The following CDH13 variants were observed in gnomAD, a reference collection of about 807,000 sequenced individuals.
The protein encoded by CDH13 is cadherin-13.
A neutral mutation model predicts 63.8 loss-of-function variants in CDH13; 24 were observed. The observed-to-expected ratio is 0.38, with a 90% CI of 0.27 to 0.53. The LOEUF is 0.53. CDH13 is among the 20% of genes least tolerant of loss of function. CDH13 has a pLI of 0.85. For missense variants in CDH13, 1,049 were observed against 903.1 expected (o/e 1.16, Z -2.07); for synonymous variants, 503 against 355.3 (o/e 1.42, Z -4.67).
At chr16:83,237,383 G>A (rs551629319) in intron 5 of CDH13, among the ~76,000 whole-genome samples, 18 of 152,278 alleles carry the variant, frequency 1.2e-4, no homozygotes, top group East Asian at 7.7e-4. Context: ...GTAAAGGATC[G>A]TACCTTACAT....
intron 4 of CDH13, among the ~76,000 whole-genome samples, chr16:83,134,232 G>A (rs1031162272): frequency 1.3e-4 from 20 of 152,096 alleles, no homozygotes; most frequent in African/African-American, 4.1e-4. Context: ...TCGCTCTGTC[G>A]CCCGGGCTGG....
At chr16:83,501,215 G>A (rs1292801704) in intron 7 of CDH13, among the ~76,000 whole-genome samples, 3 of 152,212 alleles carry the variant, frequency 2.0e-5, no homozygotes, top group African/African-American at 7.2e-5. Flanking sequence ...CATGGGAAAT[G>A]AATTTATTTC....
chr16:83,627,972 C>A (rs1598390515), intron 8 of CDH13, among the ~76,000 whole-genome samples: 3 of 152,182 alleles, frequency 2.0e-5, no homozygotes, highest in African/African-American at 7.2e-5. Flanking sequence ...AGGGTAACTT[C>A]CTGACGTTAC....
At chr16:82,857,398 C>T (rs1294576453) in intron 1 of CDH13, among the ~76,000 whole-genome samples, 2 of 152,126 alleles carry the variant, frequency 1.3e-5, no homozygotes, top group Non-Finnish European at 2.9e-5. Context: ...GTGGTAGGTG[C>T]TCAGTAGAAC....
At chr16:82,761,813 GA>G (rs1305731372) in intron 1 of CDH13, among the ~76,000 whole-genome samples, 11 of 152,098 alleles carry the variant, frequency 7.2e-5, no homozygotes, top group Admixed American at 6.6e-4. Flanking sequence ...ATGTCTAAAA[GA>G]TTTTTTTATC....
intron 3 of CDH13, among the ~76,000 whole-genome samples, chr16:83,084,181 G>A (rs756441250): frequency 5.9e-5 from 9 of 152,170 alleles, no homozygotes; most frequent in African/African-American, 1.2e-4. Context: ...TGATGGGCAC[G>A]TACACAAAAG....
rs377418744 is a variant in CDH13, at chr16:83,743,772, G to A, written c.1539-4336G>A. On this transcript the variant is annotated intron_variant, in intron 10 of 13. Transcript: ENST00000567109. ...TCTTTTTTTTTTTTTTTTTTTCTTTGCTTTTTCCATCCCCATGATTGTTCC... is the reference window on the plus strand; with the variant it reads ...TCTTTTTTTTTTTTTTTTTTTCTTTACTTTTTCCATCCCCATGATTGTTCC... Among the ~76,000 whole-genome samples, 80 of 8,372 alleles carry A rather than the reference G, an allele frequency of 9.6e-3. 5 individuals are homozygous for A. In the South Asian group the frequency reaches 0.24, roughly 25 times the overall value. 5.5% of individuals were successfully genotyped at this position (8,372 alleles called of 152,430 possible).
In CDH13 at chr16:83,785,811, C is replaced by G. The variant is rs117453298; in HGVS notation, c.2134+2339C>G. ...CTGGAAGGGCAGCTTAGACATTTGT[C>G]CATTTTAAAGCCTCACCAGGTGGTC... is the stretch of plus-strand genomic sequence containing the variant. On this transcript the variant is annotated intron_variant, in intron 13 of 13. Transcript: ENST00000567109. 2.7e-4 allele frequency among the ~76,000 whole-genome samples: 41 copies of G among 152,242 alleles called. No homozygotes were observed. In the East Asian group the frequency reaches 7.9e-3, roughly 29 times the overall value.
At chr16:83,051,359 G>A (rs1478044531) in intron 3 of CDH13, among the ~76,000 whole-genome samples, 1 of 152,152 alleles carries the variant, frequency 6.6e-6, no homozygotes, top group African/African-American at 2.4e-5. Context: ...AGGTTTACAG[G>A]AATGAGGATC....
intron 5 of CDH13, among the ~76,000 whole-genome samples, chr16:83,262,962 C>T (rs1169836474): frequency 6.6e-6 from 1 of 152,164 alleles, no homozygotes; most frequent in Admixed American, 6.5e-5. Flanking sequence ...TGTTGTTTGT[C>T]CTGAGAATGA....
At chr16:83,260,521 C>T (rs564802594) in intron 5 of CDH13, among the ~76,000 whole-genome samples, 8 of 152,266 alleles carry the variant, frequency 5.3e-5, no homozygotes, top group African/African-American at 1.7e-4. Context: ...GCTCAGTCTT[C>T]GAGGGAGTGC....
chr16:83,092,000 A>T (rs2033935753), intron 3 of CDH13, among the ~76,000 whole-genome samples: 1 of 152,248 alleles, frequency 6.6e-6, no homozygotes, highest in African/African-American at 2.4e-5. Context: ...TGTGCATACC[A>T]GGCAATGCTG....
chr16:82,752,899 AG>A (rs1222128034), intron 1 of CDH13, among the ~76,000 whole-genome samples: 4 of 152,244 alleles, frequency 2.6e-5, no homozygotes, highest in Admixed American at 6.5e-5. Context: ...CCCATTATGT[AG>A]TACTTCTGCC....
intron 10 of CDH13, among the ~76,000 whole-genome samples, chr16:83,706,261 G>T (rs1166834678): frequency 2.1e-4 from 32 of 152,196 alleles, no homozygotes; most frequent in Non-Finnish European, 4.7e-4. Context: ...CATCCCAAAA[G>T]CCAGCTTGCA....
At chr16:82,684,624 A>G (rs1328974856) in intron 1 of CDH13, among the ~76,000 whole-genome samples, 5 of 152,046 alleles carry the variant, frequency 3.3e-5, no homozygotes, top group Admixed American at 6.6e-5. Context: ...TCTGAAAACT[A>G]TTGATACTAG....
chr16:82,718,300 C>A (rs1413153644), intron 1 of CDH13, among the ~76,000 whole-genome samples: 1 of 152,234 alleles, frequency 6.6e-6, no homozygotes, highest in East Asian at 1.9e-4. Flanking sequence ...TGGTTGAGTC[C>A]CTCTTCTGAC....
chr16:83,045,935 A>C (rs374705025), intron 3 of CDH13, among the ~76,000 whole-genome samples: 20 of 152,334 alleles, frequency 1.3e-4, no homozygotes, highest in East Asian at 3.9e-4. Context: ...TACATCCTCC[A>C]GTCTACCCAT....
intron 1 of CDH13, among the ~76,000 whole-genome samples, chr16:82,714,731 A>G (rs1417497435): frequency 6.8e-6 from 1 of 146,296 alleles, no homozygotes; most frequent in Non-Finnish European, 1.5e-5. Flanking sequence ...AAAAAAAAAA[A>G]AAAAAAAAGA....
intron 1 of CDH13, among the ~76,000 whole-genome samples, chr16:82,804,462 C>T (rs970881438): frequency 6.6e-6 from 1 of 151,994 alleles, no homozygotes; most frequent in Non-Finnish European, 1.5e-5. Context: ...TTTTATTGCA[C>T]GTTAAAGATA....
Sources: allele counts gnomAD v4.1 joint callset (sites outside exome capture counted in the v4.1 genomes callset), GRCh38; gene constraint gnomAD v4.1.1; transcripts MANE v1.5; gene names NCBI Gene and HGNC (gene_info 2026-07-23, HGNC 2026-07-21).